The following SLC9A4 variants were observed in gnomAD, a reference collection of about 807,000 sequenced individuals.
SLC9A4 encodes the protein sodium/hydrogen exchanger 4.
Under a neutral mutation model 67.4 loss-of-function variants are expected in SLC9A4, and 63 were observed. That is an observed-to-expected ratio of 0.93 (90% CI 0.76 to 1.15). SLC9A4 has a LOEUF of 1.15. Ranked by LOEUF, SLC9A4 falls within the 50% of genes most tolerant of loss-of-function variation. The pLI, the probability that SLC9A4 is intolerant of heterozygous loss-of-function variation, is 0.00. For missense variants in SLC9A4, 1,089 were observed against 987.7 expected (o/e 1.10, Z -1.38); for synonymous variants, 393 against 367.2 (o/e 1.07, Z -0.80).
intron 9 of SLC9A4, among the ~76,000 whole-genome samples, chr2:102,523,773 C>T (rs1351060754): frequency 2.0e-5 from 3 of 152,204 alleles, no homozygotes; most frequent in Non-Finnish European, 4.4e-5. Context: ...TGGTAACAGA[C>T]TCATTCCTGG....
chr2:102,501,403 G>C (rs565338366), intron 2 of SLC9A4, among the ~76,000 whole-genome samples: 1 of 152,096 alleles, frequency 6.6e-6, no homozygotes, highest in Admixed American at 6.5e-5. Flanking sequence ...TTACAGGCAT[G>C]AGCCTAATTT....
chr2:102,501,451 G>C (rs7591101), intron 2 of SLC9A4, among the ~76,000 whole-genome samples: 1 of 151,692 alleles, frequency 6.6e-6, no homozygotes, highest in African/African-American at 2.4e-5. Context: ...CACCACGTTG[G>C]CAAGGCTGGT....
chr2:102,495,933 C>T (rs1684798987), intron 2 of SLC9A4, among the ~76,000 whole-genome samples: 1 of 151,988 alleles, frequency 6.6e-6, no homozygotes, highest in Non-Finnish European at 1.5e-5. Context: ...GAAGTAAAAT[C>T]TTTATGACTA....
chr2:102,520,182 C>T (rs1046970331), intron 9 of SLC9A4, among the ~76,000 whole-genome samples: 10 of 152,124 alleles, frequency 6.6e-5, no homozygotes, highest in Non-Finnish European at 1.5e-4. Flanking sequence ...ATCTAGTTAC[C>T]GTCTCTAGGG....
At chr2:102,507,365 C>G (rs1685071106) in intron 4 of SLC9A4, among the ~76,000 whole-genome samples, 1 of 152,162 alleles carries the variant, frequency 6.6e-6, no homozygotes, top group Non-Finnish European at 1.5e-5. Context: ...TTAGTGAGGA[C>G]CTTTCCTAGC....
chr2:102,530,773 T>A (rs555703837), intron 11 of SLC9A4, among the ~76,000 whole-genome samples: 33 of 152,248 alleles, frequency 2.2e-4, no homozygotes, highest in African/African-American at 6.7e-4. Context: ...GGAAAAAAAA[T>A]GGACAGATAT....
At chr2:102,496,956 C>A (rs1558664014) in intron 2 of SLC9A4, among the ~76,000 whole-genome samples, 1 of 152,176 alleles carries the variant, frequency 6.6e-6, no homozygotes, top group Non-Finnish European at 1.5e-5. Context: ...GAGAGAGTCT[C>A]ACTGTGTTGC....
rs553165995 is a variant in SLC9A4 at position 102,491,291 on chromosome 2, T to A, written c.720+11989T>A. 4.7e-5 allele frequency among the ~76,000 whole-genome samples: 7 copies of A among 149,820 alleles called. No homozygotes were observed. In the South Asian group the frequency reaches 1.1e-3, roughly 23 times the overall value. On this transcript the variant is annotated intron_variant, in intron 2 of 11. Coordinates refer to ENST00000295269, the MANE Select transcript of SLC9A4 (RefSeq NM_001011552.4). ...TGCTGCTTTTTCAACTGAATTTTTT[T>A]ATTTCTCTTCCCATTTGTACTAATG...
In SLC9A4 at chr2:102,521,327, A is replaced by C. The variant is rs145006360; in HGVS notation, c.1818+1372A>C. Among the ~76,000 whole-genome samples, 536 of 152,238 alleles carry C rather than the reference A, an allele frequency of 3.5e-3. 11 individuals are homozygous for C. The highest frequency in any genetic ancestry group is 8.4e-4 in the Non-Finnish European group (57 of 68,010). ...ATAGCATCCTTTGGTCTTTTTTAGT[A>C]AGTATCCTACTCATTCTGCTTTCCA... On this transcript the variant is annotated intron_variant, in intron 9 of 11. Coordinates refer to ENST00000295269, the MANE Select transcript of SLC9A4 (RefSeq NM_001011552.4).
rs763876781 is a variant in SLC9A4, at chr2:102,508,133, T to A, written c.1253T>A (p.Ile418Asn). ...SNQFRTFPFS[I>N]KDQCIIFYSG... ...CAGTTTCGGACTTTCCCCTTCTCCATCAAGGACCAGTGCATCATTTTCTAC... is the reference window on the plus strand; with the variant it reads ...CAGTTTCGGACTTTCCCCTTCTCCAACAAGGACCAGTGCATCATTTTCTAC... The change falls in exon 5 of 12, where the codon ATC becomes AAC. Residue 418 changes from isoleucine (I) to asparagine (N), a missense_variant. Transcript: ENST00000295269. The A allele has an allele frequency of 6.2e-7, 1 of 1,614,116 alleles. No homozygotes were observed. The highest frequency in any genetic ancestry group is 1.7e-5 in the Admixed American group (1 of 60,006).
rs1040452886 is a variant in SLC9A4 at position 102,533,714 on chromosome 2, A to G, written c.*1026A>G. 5.7e-5 allele frequency: 8 copies of G among 140,094 alleles called. No homozygotes were observed. The highest frequency in any genetic ancestry group is 2.1e-4 in the African/African-American group (8 of 37,240). The allele number at this position is 140,094 out of a possible 1,614,324, so 8.7% of individuals were successfully genotyped here. A position where few individuals can be genotyped will look rare whatever the true frequency, so the allele number is the denominator to read the frequency against. ...TGTGTCCATGTGATCTCATTGTTCAATTCCCACCTATGAGTGAGAATATGC... is the reference window on the plus strand; with the variant it reads ...TGTGTCCATGTGATCTCATTGTTCAGTTCCCACCTATGAGTGAGAATATGC... On this transcript the variant is annotated 3_prime_UTR_variant, in exon 12 of 12. Transcript: ENST00000295269.
At chr2:102,505,528 T>C in intron 4 of SLC9A4, 57 bp downstream of exon 4, 2 of 1,538,474 alleles carry the variant, frequency 1.3e-6, no homozygotes, top group Non-Finnish European at 8.9e-7. Flanking sequence ...AGTTCTCTTA[T>C]TCCCTTCCGC....
chr2:102,474,526 C>T (rs1348732849), intron 1 of SLC9A4, among the ~76,000 whole-genome samples: 2 of 152,140 alleles, frequency 1.3e-5, no homozygotes, highest in South Asian at 2.1e-4. Flanking sequence ...ACTTGTATTA[C>T]TCAGTGATGG....
At chr2:102,490,457 C>A (rs1206539897) in intron 2 of SLC9A4, among the ~76,000 whole-genome samples, 1 of 152,200 alleles carries the variant, frequency 6.6e-6, no homozygotes. Flanking sequence ...TTCTGTGTGA[C>A]CCTCCCTAGT....
At chr2:102,486,295 C>T (rs535694051) in intron 2 of SLC9A4, among the ~76,000 whole-genome samples, 7 of 152,218 alleles carry the variant, frequency 4.6e-5, no homozygotes, top group Admixed American at 4.6e-4. Context: ...TGGATTGATA[C>T]ACGTAATGCA....
At chr2:102,486,287 G>A (rs954361138) in intron 2 of SLC9A4, among the ~76,000 whole-genome samples, 1 of 152,192 alleles carries the variant, frequency 6.6e-6, no homozygotes, top group African/African-American at 2.4e-5. Context: ...GGTTAAAATG[G>A]ATTGATACAC....
At chr2:102,478,794 A>C in intron 1 of SLC9A4, 45 bp from the exon 2 acceptor site, 1 of 1,578,918 alleles carries the variant, frequency 6.3e-7, no homozygotes, top group Non-Finnish European at 8.6e-7. Context: ...GTACACCCAG[A>C]CCGTTTCGTT....
intron 2 of SLC9A4, among the ~76,000 whole-genome samples, chr2:102,495,278 A>T (rs1001227592): frequency 1.3e-5 from 2 of 152,116 alleles, no homozygotes; most frequent in Non-Finnish European, 2.9e-5. Context: ...AACATTAAAA[A>T]GTACTCCCAA....
intron 4 of SLC9A4, among the ~76,000 whole-genome samples, chr2:102,507,562 T>C (rs957299281): frequency 6.6e-6 from 1 of 152,016 alleles, no homozygotes; most frequent in Non-Finnish European, 1.5e-5. Context: ...TTTGCTTGCA[T>C]TGAACCTCAA....
Sources: gnomAD v4.1 joint callset for allele counts (sites outside exome capture counted in the v4.1 genomes callset) on GRCh38, gnomAD v4.1.1 for gene constraint, MANE v1.5 for transcripts, NCBI Gene and HGNC (gene_info 2026-07-23, HGNC 2026-07-21) for gene names.